Variants in MDM4 observed in about 807,000 individuals in gnomAD.
MDM4 encodes MDM4 regulator of p53.
MDM4 carries 2 observed loss-of-function variants against 60.2 expected under a neutral mutation model. The observed-to-expected ratio is 0.03, with a 90% CI of 0.01 to 0.10. MDM4 has a LOEUF of 0.10. Ranked by LOEUF, MDM4 falls within the 10% of genes least tolerant of loss-of-function variation. The pLI is 1.00. For missense variants in MDM4, 447 were observed against 577.5 expected, an observed-to-expected ratio of 0.77 and a Z score of 2.32; for synonymous variants, 202 against 198.1, an observed-to-expected ratio of 1.02 and a Z score of -0.17.
rs1322292179 is a variant in MDM4, at chr1:204,552,777, C to T, written c.*3095C>T. 1.1e-5 allele frequency: 2 copies of T among 184,718 alleles called. No homozygotes were observed. The highest frequency in any genetic ancestry group is 2.3e-5 in the African/African-American group (1 of 42,564). The allele number at this position is 184,718 out of a possible 1,614,324, so 11.4% of individuals were successfully genotyped here. On this transcript the variant is annotated 3_prime_UTR_variant, in exon 11 of 11. Coordinates refer to ENST00000367182, the MANE Select transcript of MDM4 (RefSeq NM_002393.5). ...TGCCCACCGGGGTTTTTCACTGCTT[C>T]TGTTAGCACTAAGTACTTAGACGAT...
chr1:204,543,163 T>G (rs1662299018), intron 8 of MDM4, among the ~76,000 whole-genome samples: 2 of 152,182 alleles, frequency 1.3e-5, no homozygotes. Context: ...AACTAACAAC[T>G]CTACTTAGAG....
At chr1:204,534,516 ATC>A (rs1437127201) in intron 5 of MDM4, among the ~76,000 whole-genome samples, 2 of 152,204 alleles carry the variant, frequency 1.3e-5, no homozygotes, top group East Asian at 1.9e-4. Context: ...TTGAGACAGG[ATC>A]TCTCTGTTGC....
rs1205153470 is a variant in MDM4 at position 204,554,516 on chromosome 1, A to G, written c.*4834A>G. The G allele has an allele frequency of 4.4e-6, 1 of 225,156 alleles. No homozygotes were observed. The highest frequency in any genetic ancestry group is 8.8e-6 in the Non-Finnish European group (1 of 113,000). 13.9% of individuals were successfully genotyped at this position (225,156 alleles called of 1,614,324 possible). A position where few individuals can be genotyped will look rare whatever the true frequency, so the allele number is the denominator to read the frequency against. The stretch of plus-strand genomic sequence containing the variant: ...AACCGGTAAGCTGTCTCATGTACCA[A>G]ACGTGAAATTTACAGTGTTTACAAA... On this transcript the variant is annotated 3_prime_UTR_variant, in exon 11 of 11. Coordinates refer to ENST00000367182, the MANE Select transcript of MDM4 (RefSeq NM_002393.5).
At chr1:204,530,587 C>A (rs1660763064) in intron 3 of MDM4, 97 bp from the exon 4 acceptor site, 9 of 1,493,938 alleles carry the variant, frequency 6.0e-6, no homozygotes, top group South Asian at 4.8e-5. Flanking sequence ...TATGTTATTT[C>A]TTTCTTTAGC....
At chr1:204,516,799 A>G (rs540369114) in intron 1 of MDM4, among the ~76,000 whole-genome samples, 4 of 152,310 alleles carry the variant, frequency 2.6e-5, no homozygotes, top group African/African-American at 9.6e-5. Context: ...AACTGGACAC[A>G]ACATTTGAGG....
At chr1:204,536,838 A>C (rs1282362932) in intron 5 of MDM4, 3 of 218,772 alleles carry the variant, frequency 1.4e-5, no homozygotes, top group Non-Finnish European at 2.8e-5. Flanking sequence ...ACTGGGAAAA[A>C]TAAGACAATG....
chr1:204,525,367 G>A, intron 1 of MDM4, 117 bp from the exon 2 acceptor site: 1 of 1,418,654 alleles, frequency 7.0e-7, no homozygotes, highest in South Asian at 1.6e-5. Flanking sequence ...TTTGTGTACG[G>A]TGCTCCATTA....
chr1:204,553,713 C>G lies in MDM4; in HGVS notation c.*4031C>G, dbSNP rs562260232. Reference sequence around the variant, plus strand: ...AGAACAACGATGAATTTCAGTATTACGGCTAAAAAGTTCTTCTGTCTGAAT... The same window carrying G: ...AGAACAACGATGAATTTCAGTATTAGGGCTAAAAAGTTCTTCTGTCTGAAT... On this transcript the variant is annotated 3_prime_UTR_variant, in exon 11 of 11. Transcript: ENST00000367182. 1.3e-5 allele frequency: 3 copies of G among 226,038 alleles called. No homozygotes were observed. Among genetic ancestry groups the G allele is most frequent in the Admixed American group, 5.7e-5 (1 of 17,532 alleles). 14.0% of individuals were successfully genotyped at this position (226,038 alleles called of 1,614,324 possible).
Position 204,546,854 on chromosome 1 carries a change from A to G in MDM4, c.880A>G (p.Thr294Ala). The change falls in exon 10 of 11, where the codon ACC becomes GCC. Residue 294 changes from threonine (T) to alanine (A), a missense_variant. By Grantham distance (58) the Thr-to-Ala change is moderately conservative. Transcript: ENST00000367182. ...LEDSKSLSDDTDVEVTSEDEW... is the reference protein window; with the variant it reads ...LEDSKSLSDDADVEVTSEDEW... ...GGACTCTAAGTCCTTAAGTGATGAT[A>G]CCGATGTAGAGGTTACCTCTGAGGT... 6.2e-7 allele frequency: 1 copy of G among 1,612,180 alleles called. No homozygotes were observed. Among genetic ancestry groups the G allele is most frequent in the South Asian group, 1.1e-5 (1 of 90,962 alleles).
intron 1 of MDM4, among the ~76,000 whole-genome samples, chr1:204,524,678 G>A (rs965877091): frequency 6.6e-6 from 1 of 152,228 alleles, no homozygotes; most frequent in South Asian, 2.1e-4. Flanking sequence ...TCAGGAGGCT[G>A]AGGCAGGAGA....
intron 2 of MDM4, among the ~76,000 whole-genome samples, chr1:204,526,084 CT>C (rs1184693707): frequency 6.6e-6 from 1 of 152,012 alleles, no homozygotes; most frequent in Non-Finnish European, 1.5e-5. Context: ...GTGAAACCCC[CT>C]CTCTACAAAA....
At chr1:204,526,806 A>G (rs956293850) in intron 3 of MDM4, among the ~76,000 whole-genome samples, 1 of 152,162 alleles carries the variant, frequency 6.6e-6, no homozygotes, top group Non-Finnish European at 1.5e-5. Context: ...AAGCCAGTGA[A>G]TATGTAGTTT....
intron 1 of MDM4, 31 bp from the exon 2 acceptor site, chr1:204,525,448 TTAGAA>T (rs2102312960): frequency 3.9e-6 from 6 of 1,541,884 alleles, no homozygotes; most frequent in Non-Finnish European, 5.2e-6. Context: ...ATTTTCTGCA[TTAGAA>T]TAGATGTTAT....
Position 204,556,215 on chromosome 1 carries a change from C to T in MDM4, c.*6533C>T, listed in dbSNP as rs921535198. Reference sequence around the variant, plus strand: ...AGACCCTTATCAGCCCTTGTAACTACAGTATCTTTAGATAAGATTCCTCTT... The same window carrying T: ...AGACCCTTATCAGCCCTTGTAACTATAGTATCTTTAGATAAGATTCCTCTT... On this transcript the variant is annotated 3_prime_UTR_variant, in exon 11 of 11. Transcript: ENST00000367182. The T allele has an allele frequency of 4.4e-6, 1 of 225,548 alleles. No individual in the cohort carries two copies. The highest frequency in any genetic ancestry group is 5.7e-5 in the Admixed American group (1 of 17,488). The allele number at this position is 225,548 out of a possible 1,614,324, so 14.0% of individuals were successfully genotyped here.
intron 7 of MDM4, among the ~76,000 whole-genome samples, chr1:204,539,186 A>G (rs554844931): frequency 6.6e-6 from 1 of 151,976 alleles, no homozygotes; most frequent in East Asian, 1.9e-4. Context: ...GGGTTTTGCC[A>G]TGTTGGCCAG....
chr1:204,546,746 C>A (rs1298606850), intron 9 of MDM4, 51 bp from the exon 10 acceptor site: 1 of 1,231,304 alleles, frequency 8.1e-7, no homozygotes, highest in Non-Finnish European at 1.2e-6. Flanking sequence ...AGTTAATTAG[C>A]CTCATCTAAA....
At position 204,532,232 on chromosome 1, in the gene MDM4, C is replaced by T. The variant is rs2102360560; in HGVS notation, c.329C>T (p.Ala110Val). ...DMLRKNLVTL[A>V]TATTDAAQTL... ...CTAAGAAAGAATCTTGTCACTTTAG[C>T]CACTGCTACTACAGGTATGTCACAT... The change falls in exon 5 of 11, where the codon GCC becomes GTC. Residue 110 changes from alanine (A) to valine (V), a missense_variant. Physicochemically the swap from Ala to Val is moderately conservative, Grantham distance 64. This residue lies in a region of MDM4 where 23 missense variants were observed against 22.1 expected (regional missense o/e 1.04). Transcript: ENST00000367182. 1 of 1,596,754 alleles carries T rather than the reference C, an allele frequency of 6.3e-7. No individual in the cohort carries two copies.
intron 1 of MDM4, among the ~76,000 whole-genome samples, chr1:204,517,856 T>TA (rs1659154133): frequency 6.6e-6 from 1 of 150,880 alleles, no homozygotes; most frequent in African/African-American, 2.4e-5. Flanking sequence ...CCTCATACAT[T>TA]TTTTTTTTAA....
intron 1 of MDM4, among the ~76,000 whole-genome samples, chr1:204,524,692 G>A (rs554160974): frequency 3.3e-5 from 5 of 152,320 alleles, no homozygotes; most frequent in East Asian, 3.9e-4. Flanking sequence ...CAGGAGAATC[G>A]CTTGAACCTG....
Sources: gnomAD v4.1 joint callset for allele counts (sites outside exome capture counted in the v4.1 genomes callset) on GRCh38, gnomAD v4.1.1 for gene constraint, gnomAD v4.1.1 regional missense constraint, MANE v1.5 for transcripts, NCBI Gene and HGNC (gene_info 2026-07-23, HGNC 2026-07-21) for gene names.